Variants in DMD observed in about 807,000 individuals in gnomAD.
The protein encoded by DMD is dystrophin.
DMD carries 63 observed loss-of-function variants against 330.1 expected under a neutral mutation model. That is an observed-to-expected ratio of 0.19 (90% CI 0.16 to 0.24). The LOEUF (loss-of-function observed/expected upper bound fraction) is 0.24, where lower values mean the gene tolerates loss of function less well. Ranked by LOEUF, DMD falls within the 10% of genes least tolerant of loss-of-function variation. DMD has a pLI of 1.00. For missense variants in DMD, 3,344 were observed against 2,684.1 expected, an observed-to-expected ratio of 1.25 and a Z score of -5.43; for synonymous variants, 1,223 against 959.8, an observed-to-expected ratio of 1.27 and a Z score of -5.07.
At chrX:33,147,717 G>C (rs185707040) in intron 1 of DMD, among the ~76,000 whole-genome samples, 120 of 111,276 alleles carry the variant, frequency 1.1e-3, no homozygotes, top group African/African-American at 3.7e-3. Flanking sequence ...CTCACATCCT[G>C]TCATACAGTA....
intron 43 of DMD, among the ~76,000 whole-genome samples, chrX:32,252,959 T>C (rs2148202718): frequency 1.1e-5 from 1 of 91,625 alleles, no homozygotes; most frequent in East Asian, 3.2e-4. Flanking sequence ...TATATAAATA[T>C]ATATATGTTT....
intron 1 of DMD, among the ~76,000 whole-genome samples, chrX:33,280,404 G>C (rs142306849): frequency 8.9e-6 from 1 of 111,979 alleles, no homozygotes; most frequent in East Asian, 2.8e-4. Flanking sequence ...ACACTTTAAC[G>C]TTAGATCCCA....
intron 29 of DMD, among the ~76,000 whole-genome samples, chrX:32,433,239 T>C (rs373844701): frequency 3.6e-5 from 4 of 112,278 alleles, no homozygotes; most frequent in African/African-American, 1.3e-4. Context: ...TTTTAATATA[T>C]GAAAAGGGTC....
At chrX:31,967,321 TGTGTGTGTG>T (rs2095360282) in intron 45 of DMD, among the ~76,000 whole-genome samples, 1 of 103,209 alleles carries the variant, frequency 9.7e-6, no homozygotes, top group East Asian at 3.2e-4. Flanking sequence ...TGTGTGTGTG[TGTGTGTGTG>T]TGTGTGTGTG....
chrX:32,430,922 T>C (rs2098235624), intron 29 of DMD, among the ~76,000 whole-genome samples: 1 of 111,929 alleles, frequency 8.9e-6, no homozygotes, highest in Admixed American at 9.5e-5. Context: ...TAATATTTCA[T>C]TGTATGTATA....
chrX:32,379,258 T>C (rs1249351347), intron 34 of DMD, among the ~76,000 whole-genome samples: 1 of 109,174 alleles, frequency 9.2e-6, no homozygotes, highest in Admixed American at 1.0e-4. Flanking sequence ...CTTGACGTTA[T>C]GAAAAATACT....
chrX:32,135,089 A>C (rs2096718187), intron 44 of DMD, among the ~76,000 whole-genome samples: 1 of 112,291 alleles, frequency 8.9e-6, no homozygotes, highest in Admixed American at 9.4e-5. Context: ...GACTGTCTAA[A>C]TCTGAAAATT....
intron 2 of DMD, among the ~76,000 whole-genome samples, chrX:32,945,616 A>G (rs1178646815): frequency 9.0e-6 from 1 of 111,613 alleles, no homozygotes; most frequent in Admixed American, 9.5e-5. Context: ...CAATATTTCA[A>G]CATTGATCAC....
At chrX:33,006,302 A>C (rs6631711) in intron 2 of DMD, among the ~76,000 whole-genome samples, 1 of 111,908 alleles carries the variant, frequency 8.9e-6, no homozygotes, top group East Asian at 2.8e-4. Context: ...ATATTGAAGG[A>C]GAAGAACAAA....
Position 31,566,641 on chromosome X carries a change from A to G in DMD, c.8218-59188T>C, listed in dbSNP as rs145385385. Among the ~76,000 whole-genome samples the G allele has an allele frequency of 6.7e-4, 75 of 111,795 alleles. 2 individuals are homozygous for G. In the East Asian group the frequency reaches 0.02, roughly 30 times the overall value. Reference sequence around the variant, plus strand: ...TTGTCTATGTGTACAGAAATCCTTGATAAGATTTTGATAGAAACTAAATTA... The same window carrying G: ...TTGTCTATGTGTACAGAAATCCTTGGTAAGATTTTGATAGAAACTAAATTA... On this transcript the variant is annotated intron_variant, in intron 55 of 78. Transcript: ENST00000357033.
At chrX:32,572,765 G>A (rs956404169) in intron 15 of DMD, among the ~76,000 whole-genome samples, 2 of 110,837 alleles carry the variant, frequency 1.8e-5, no homozygotes, top group African/African-American at 6.6e-5. Flanking sequence ...ATGTTGAAAT[G>A]TGATTCCCAG....
Position 31,479,117 on chromosome X carries a change from T to C in DMD, c.8548-14A>G. 3 of 1,210,703 alleles carry C rather than the reference T, an allele frequency of 2.5e-6. No individual in the cohort carries two copies. The highest frequency in any genetic ancestry group is 3.4e-6 in the Non-Finnish European group (3 of 894,666). On this transcript the variant is annotated splice_polypyrimidine_tract_variant and intron_variant, in intron 57 of 78. Transcript: ENST00000357033. The stretch of plus-strand genomic sequence containing the variant: ...CCTCTTGAAGGCCTGTGAAATGAGA[T>C]GAAAAGAAGTGCTTATTTGGCTTGT...
At chrX:31,494,026 G>A (rs919945792) in intron 57 of DMD, among the ~76,000 whole-genome samples, 9 of 108,966 alleles carry the variant, frequency 8.3e-5, no homozygotes, top group South Asian at 8.2e-4. Context: ...GCATGGTGGC[G>A]CGTGCCTGTA....
At chrX:31,882,888 G>T (rs1252284046) in intron 47 of DMD, among the ~76,000 whole-genome samples, 1 of 112,031 alleles carries the variant, frequency 8.9e-6, no homozygotes, top group Non-Finnish European at 1.9e-5. Context: ...TGGTGAAAAT[G>T]AACTGAAATG....
At chrX:32,542,026 TAG>T (rs1048475202) in intron 17 of DMD, among the ~76,000 whole-genome samples, 1 of 111,471 alleles carries the variant, frequency 9.0e-6, no homozygotes, top group African/African-American at 3.3e-5. Flanking sequence ...GAAATAGCTT[TAG>T]AGATATAAAG....
intron 2 of DMD, among the ~76,000 whole-genome samples, chrX:32,863,743 A>G (rs2082271595): frequency 9.0e-6 from 1 of 111,422 alleles, no homozygotes; most frequent in Non-Finnish European, 1.9e-5. Context: ...TAATGAATGT[A>G]AAACGTATTT....
intron 2 of DMD, among the ~76,000 whole-genome samples, chrX:33,013,846 C>CGT (rs761054448): frequency 1.3e-4 from 15 of 111,467 alleles, no homozygotes; most frequent in Non-Finnish European, 7.6e-5. Context: ...CGCGCACGCG[C>CGT]GTGTGTGTGT....
chrX:31,678,274 T>A (rs1361406252), intron 53 of DMD, among the ~76,000 whole-genome samples: 1 of 111,799 alleles, frequency 8.9e-6, no homozygotes, highest in African/African-American at 3.3e-5. Flanking sequence ...AATTTGAGAA[T>A]CAGATACTGG....
intron 60 of DMD, among the ~76,000 whole-genome samples, chrX:31,411,875 C>A (rs918148557): frequency 9.1e-6 from 1 of 110,083 alleles, no homozygotes; most frequent in Non-Finnish European, 1.9e-5. Flanking sequence ...CTCAAGTGAT[C>A]CCCCTGCCTC....
Sources: gnomAD v4.1 joint callset for allele counts (sites outside exome capture counted in the v4.1 genomes callset) on GRCh38, gnomAD v4.1.1 for gene constraint, MANE v1.5 for transcripts, NCBI Gene and HGNC (gene_info 2026-07-23, HGNC 2026-07-21) for gene names.